PACRG: variants seen among roughly 807,000 people sequenced by gnomAD.
The protein encoded by PACRG is parkin coregulated.
Under a neutral mutation model 29.7 loss-of-function variants are expected in PACRG, and 29 were observed. That is an observed-to-expected ratio of 0.98 (90% CI 0.73 to 1.33). The LOEUF is 1.33. Among genes scored for constraint, PACRG ranks in the 40% most tolerant of loss-of-function variants. PACRG has a pLI of 0.00. For missense variants in PACRG, 279 were observed against 316.2 expected, an observed-to-expected ratio of 0.88 and a Z score of 0.89; for synonymous variants, 116 against 118.7, an observed-to-expected ratio of 0.98 and a Z score of 0.15.
intron 2 of PACRG, among the ~76,000 whole-genome samples, chr6:162,958,845 T>C (rs939710271): frequency 3.5e-4 from 43 of 123,660 alleles, no homozygotes; most frequent in African/African-American, 1.1e-3. Flanking sequence ...AGAGCATATA[T>C]AGAGCATATA....
intron 4 of PACRG, among the ~76,000 whole-genome samples, chr6:163,260,795 C>T (rs537438025): frequency 2.0e-5 from 3 of 152,304 alleles, no homozygotes; most frequent in Middle Eastern, 6.8e-3. Context: ...CAGAACACTG[C>T]TTCTTCTGGG....
rs144731359 is a variant in PACRG at position 162,811,280 on chromosome 6, C to T, written c.157-2867C>T. Among the ~76,000 whole-genome samples, 821 of 152,116 alleles carry T rather than the reference C, an allele frequency of 5.4e-3. 18 individuals carry two copies. Among genetic ancestry groups the T allele is most frequent in the Admixed American group, 0.042 (641 of 15,270 alleles). On this transcript the variant is annotated intron_variant, in intron 1 of 4. Transcript: ENST00000366888. The stretch of plus-strand genomic sequence containing the variant: ...AGGAGAAACCGAAGACACAAATTAC[C>T]AAATATCAGAAATGAAGAATGGATA...
intron 2 of PACRG, among the ~76,000 whole-genome samples, chr6:162,933,785 T>G (rs537914175): frequency 6.6e-6 from 1 of 152,038 alleles, no homozygotes; most frequent in Non-Finnish European, 1.5e-5. Flanking sequence ...GTTCGTTTAG[T>G]TCATGGTTCT....
intron 4 of PACRG, chr6:163,179,183 C>T (rs558297460): frequency 2.9e-5 from 13 of 455,906 alleles, no homozygotes; most frequent in Non-Finnish European, 4.0e-5. Context: ...CACTGATGTC[C>T]GCTGCTCCTC....
intron 4 of PACRG, among the ~76,000 whole-genome samples, chr6:163,265,640 C>T (rs2128177178): frequency 6.6e-6 from 1 of 152,256 alleles, no homozygotes; most frequent in South Asian, 2.1e-4. Context: ...AATTGTCCCA[C>T]CTATTAAATT....
chr6:163,176,786 C>T (rs1193068239), intron 4 of PACRG, among the ~76,000 whole-genome samples: 6 of 152,146 alleles, frequency 3.9e-5, no homozygotes. Context: ...AAGGAAATAG[C>T]GTGAGTAACG....
At chr6:162,855,263 AAAAG>A (rs1791288439) in intron 2 of PACRG, among the ~76,000 whole-genome samples, 1 of 152,218 alleles carries the variant, frequency 6.6e-6, no homozygotes, top group African/African-American at 2.4e-5. Flanking sequence ...CTGGCACACA[AAAAG>A]AACACAGTAC....
chr6:162,772,268 T>C (rs1783279399), intron 1 of PACRG, among the ~76,000 whole-genome samples: 1 of 152,084 alleles, frequency 6.6e-6, no homozygotes, highest in South Asian at 2.1e-4. Flanking sequence ...TAAAATAGCA[T>C]GAGAATAACT....
At chr6:163,249,761 C>T (rs1274361518) in intron 4 of PACRG, among the ~76,000 whole-genome samples, 5 of 152,146 alleles carry the variant, frequency 3.3e-5, no homozygotes, top group Admixed American at 6.5e-5. Context: ...ACAGGGCACC[C>T]GGCTCCGTGG....
Position 162,777,205 on chromosome 6 carries a change from C to T in PACRG, c.157-36942C>T, listed in dbSNP as rs948429386. Among the ~76,000 whole-genome samples the T allele has an allele frequency of 6.6e-6, 1 of 152,236 alleles. No individual in the cohort carries two copies. Among genetic ancestry groups the T allele is most frequent in the Non-Finnish European group, 1.5e-5 (1 of 68,046 alleles). On this transcript the variant is annotated intron_variant, in intron 1 of 4. Transcript: ENST00000366888. The surrounding 1 kb of genome is among the most constrained non-coding windows in gnomAD (Gnocchi z 4.0). ...AGGGGCCTCTTCAAAAGTTCAGTAT[C>T]AGACTCACTTGGCTCCCTCGTGCCG...
intron 4 of PACRG, among the ~76,000 whole-genome samples, chr6:163,178,845 T>C (rs1382577851): frequency 6.6e-6 from 1 of 152,184 alleles, no homozygotes; most frequent in Non-Finnish European, 1.5e-5. Context: ...CTGATGGTCA[T>C]GGAATTCAGT....
chr6:162,995,550 C>G (rs1037172457), intron 2 of PACRG, among the ~76,000 whole-genome samples: 2 of 152,240 alleles, frequency 1.3e-5, no homozygotes, highest in Non-Finnish European at 2.9e-5. Context: ...AGCGAACTCC[C>G]TGACCCCTTG....
At chr6:163,200,719 G>A (rs1306843320) in intron 4 of PACRG, among the ~76,000 whole-genome samples, 1 of 152,182 alleles carries the variant, frequency 6.6e-6, no homozygotes, top group Non-Finnish European at 1.5e-5. Context: ...ACCCTCAAGA[G>A]TTGAAGCATT....
intron 1 of PACRG, among the ~76,000 whole-genome samples, chr6:162,741,557 C>A (rs770307961): frequency 3.3e-5 from 5 of 152,090 alleles, no homozygotes; most frequent in Non-Finnish European, 7.4e-5. Context: ...CTAATCCTGG[C>A]CTAAAGGCCC....
intron 4 of PACRG, among the ~76,000 whole-genome samples, chr6:163,177,495 C>T (rs1019501445): frequency 2.0e-5 from 3 of 151,860 alleles, no homozygotes; most frequent in African/African-American, 7.3e-5. Context: ...GAGAGCTACA[C>T]AAAGGAAAGA....
intron 1 of PACRG, among the ~76,000 whole-genome samples, chr6:162,779,920 A>C (rs1277166293): frequency 6.6e-6 from 1 of 152,184 alleles, no homozygotes; most frequent in African/African-American, 2.4e-5. Flanking sequence ...AATTGCCTCA[A>C]CTTACTGCCT....
At chr6:162,983,426 A>T (rs1270807306) in intron 2 of PACRG, among the ~76,000 whole-genome samples, 1 of 151,468 alleles carries the variant, frequency 6.6e-6, no homozygotes, top group East Asian at 1.9e-4. Context: ...ATGCTTCAGG[A>T]GGTTCTATTT....
chr6:162,875,165 A>G (rs1793204115), intron 2 of PACRG, among the ~76,000 whole-genome samples: 1 of 151,804 alleles, frequency 6.6e-6, no homozygotes, highest in Non-Finnish European at 1.5e-5. Flanking sequence ...ACAGATGCAC[A>G]CACAGACATT....
chr6:162,941,660 CT>C (rs1401548705), intron 2 of PACRG, among the ~76,000 whole-genome samples: 2 of 152,080 alleles, frequency 1.3e-5, no homozygotes, highest in Admixed American at 1.3e-4. Flanking sequence ...CATGCACTTT[CT>C]TTTTTTATGT....
Sources: allele counts gnomAD v4.1 joint callset (sites outside exome capture counted in the v4.1 genomes callset), GRCh38; gene constraint gnomAD v4.1.1; non-coding constraint Gnocchi (gnomAD v3.1); transcripts MANE v1.5; gene names NCBI Gene and HGNC (gene_info 2026-07-23, HGNC 2026-07-21).